Variants in FNIP2 observed in about 807,000 individuals in gnomAD.
The protein encoded by FNIP2 is folliculin-interacting protein 2.
Under a neutral mutation model 108.7 loss-of-function variants are expected in FNIP2, and 32 were observed. The ratio of observed to expected loss-of-function variants is 0.29; its 90% CI spans 0.22 to 0.40. The LOEUF (loss-of-function observed/expected upper bound fraction) is 0.40. Ranked by LOEUF, FNIP2 falls within the 10% of genes least tolerant of loss-of-function variation. The pLI is 1.00. For synonymous variants in FNIP2, 480 were observed against 496.7 expected, an observed-to-expected ratio of 0.97 and a Z score of 0.45; for missense variants, 1,202 against 1,381.6, an observed-to-expected ratio of 0.87 and a Z score of 2.06.
At chr4:158,867,534 A>G (rs866372942) in intron 12 of FNIP2, among the ~76,000 whole-genome samples, 1 of 152,228 alleles carries the variant, frequency 6.6e-6, no homozygotes, top group Non-Finnish European at 1.5e-5. Flanking sequence ...CTTCAGACTC[A>G]TTCATGACTA....
chr4:158,781,799 G>A (rs913754326), intron 1 of FNIP2, among the ~76,000 whole-genome samples: 3 of 152,208 alleles, frequency 2.0e-5, no homozygotes, highest in South Asian at 4.2e-4. Flanking sequence ...ATTACAGGCG[G>A]GAGCCACTGG....
At chr4:158,826,883 A>G (rs1778188399) in intron 2 of FNIP2, among the ~76,000 whole-genome samples, 1 of 152,224 alleles carries the variant, frequency 6.6e-6, no homozygotes, top group Non-Finnish European at 1.5e-5. Context: ...ATGTTCAATA[A>G]GTTGCTACCC....
chr4:158,790,758 G>GTAACA (rs1776386753), intron 1 of FNIP2, among the ~76,000 whole-genome samples: 1 of 151,916 alleles, frequency 6.6e-6, no homozygotes, highest in Non-Finnish European at 1.5e-5. Context: ...AAAATAAAAT[G>GTAACA]TAAAATAAAA....
chr4:158,802,304 C>G (rs1010609305), intron 1 of FNIP2, among the ~76,000 whole-genome samples: 1 of 152,164 alleles, frequency 6.6e-6, no homozygotes, highest in Non-Finnish European at 1.5e-5. Flanking sequence ...AAACCTCCCC[C>G]ACTCCCTCCT....
intron 1 of FNIP2, among the ~76,000 whole-genome samples, chr4:158,821,295 C>G (rs1030332552): frequency 1.3e-5 from 2 of 152,204 alleles, no homozygotes; most frequent in African/African-American, 4.8e-5. Flanking sequence ...AGTGTTCATT[C>G]TTTATGTTCA....
chr4:158,894,656 A>G (rs71609013), intron 15 of FNIP2, among the ~76,000 whole-genome samples: 1 of 152,112 alleles, frequency 6.6e-6, no homozygotes. Context: ...CTTACTAAAA[A>G]TTTTCTATTT....
chr4:158,880,150 T>C (rs903357707), intron 14 of FNIP2, among the ~76,000 whole-genome samples: 3 of 150,644 alleles, frequency 2.0e-5, no homozygotes, highest in Non-Finnish European at 4.4e-5. Context: ...ACACGTATGT[T>C]TATTGTGGCA....
chr4:158,788,186 T>C (rs1776282572), intron 1 of FNIP2, among the ~76,000 whole-genome samples: 1 of 152,246 alleles, frequency 6.6e-6, no homozygotes, highest in Non-Finnish European at 1.5e-5. Flanking sequence ...TTCTTGCAGT[T>C]ACGACCGTGC....
chr4:158,854,078 A>G (rs1233147529), intron 8 of FNIP2, among the ~76,000 whole-genome samples: 1 of 152,202 alleles, frequency 6.6e-6, no homozygotes, highest in East Asian at 1.9e-4. Flanking sequence ...TTCTATGCCT[A>G]TGAATATTTA....
At chr4:158,872,672 CATA>C in intron 14 of FNIP2, 1 of 983,094 alleles carries the variant, frequency 1.0e-6, no homozygotes, top group East Asian at 1.1e-4. Flanking sequence ...ACACATTCAT[CATA>C]ATGAATTTTG....
rs1292432886 is a variant in FNIP2, at chr4:158,861,854, G to A, written c.1465+78G>A. 1.0e-5 allele frequency: 15 copies of A among 1,501,808 alleles called. No homozygotes were observed. The African/African-American group carries it at 1.1e-4, about 11-fold the overall frequency. The allele number at this position is 1,501,808 out of a possible 1,614,324, so 93.0% of individuals were successfully genotyped here. On this transcript the variant is annotated intron_variant, in intron 12 of 16. Coordinates refer to ENST00000264433, the MANE Select transcript of FNIP2 (RefSeq NM_020840.3). ...AATGCTAGAATTTGTAGTTTATACC[G>A]GCTCTCTCACCCAGTAATTCATAGG...
chr4:158,890,789 A>G (rs1483323218), intron 14 of FNIP2, among the ~76,000 whole-genome samples: 1 of 152,214 alleles, frequency 6.6e-6, no homozygotes, highest in East Asian at 1.9e-4. Context: ...AAGTCCCACC[A>G]GGCCTTGTAC....
intron 14 of FNIP2, among the ~76,000 whole-genome samples, chr4:158,876,088 A>G (rs537999751): frequency 6.6e-6 from 1 of 152,326 alleles, no homozygotes; most frequent in Admixed American, 6.5e-5. Context: ...TGATGTTAAA[A>G]TGTATTTCTT....
chr4:158,796,704 TTTTTCAAAGGGA>T (rs1170233468), intron 1 of FNIP2, among the ~76,000 whole-genome samples: 1 of 152,196 alleles, frequency 6.6e-6, no homozygotes, highest in African/African-American at 2.4e-5. Context: ...AATTTTATAG[TTTTTCAAAGGGA>T]TTTTCAAATG....
chr4:158,841,108 A>G (rs1245441022), intron 7 of FNIP2, among the ~76,000 whole-genome samples: 2 of 152,152 alleles, frequency 1.3e-5, no homozygotes, highest in African/African-American at 2.4e-5. Flanking sequence ...TGCACACACC[A>G]AGAGGATATG....
chr4:158,806,181 C>T, intron 1 of FNIP2: 2 of 1,258,486 alleles, frequency 1.6e-6, no homozygotes, highest in Non-Finnish European at 2.1e-6. Flanking sequence ...AAAGGAACTT[C>T]AGGATTTGTC....
intron 8 of FNIP2, among the ~76,000 whole-genome samples, chr4:158,852,416 G>A (rs186966422): frequency 1.7e-4 from 26 of 152,318 alleles, no homozygotes; most frequent in Non-Finnish European, 2.9e-4. Context: ...CACCCATCAA[G>A]AAGCTGCTTT....
At chr4:158,880,359 C>T (rs1484627129) in intron 14 of FNIP2, among the ~76,000 whole-genome samples, 6 of 152,012 alleles carry the variant, frequency 3.9e-5, no homozygotes, top group Non-Finnish European at 7.3e-5. Flanking sequence ...AACCAAACAC[C>T]GCATGCTCAC....
intron 7 of FNIP2, among the ~76,000 whole-genome samples, chr4:158,848,674 T>A (rs1007791505): frequency 2.6e-5 from 4 of 152,144 alleles, no homozygotes; most frequent in Non-Finnish European, 4.4e-5. Flanking sequence ...TATGTGACCT[T>A]TCAGACAGAG....
Sources: allele counts gnomAD v4.1 joint callset (sites outside exome capture counted in the v4.1 genomes callset), GRCh38; gene constraint gnomAD v4.1.1; transcripts MANE v1.5; gene names NCBI Gene and HGNC (gene_info 2026-07-23, HGNC 2026-07-21).